The following DIS3L2 variants were observed in gnomAD, a reference collection of about 807,000 sequenced individuals.
DIS3L2 encodes DIS3 like 3'-5' exoribonuclease 2, also known as DIS3-like exonuclease 2.
Under a neutral mutation model 97.5 loss-of-function variants are expected in DIS3L2, and 34 were observed. The observed-to-expected ratio is 0.35, with a 90% CI of 0.27 to 0.46. DIS3L2 has a LOEUF of 0.46. Among genes scored for constraint, DIS3L2 ranks in the 20% least tolerant of loss-of-function variants. The probability of loss-of-function intolerance (pLI) is 1.00; values close to 1 mark genes in which losing one functional copy is unlikely to be tolerated. For missense variants in DIS3L2, 1,038 were observed against 1,146.0 expected (o/e 0.91, Z 1.36); for synonymous variants, 435 against 445.2 (o/e 0.98, Z 0.29).
intron 8 of DIS3L2, among the ~76,000 whole-genome samples, chr2:232,148,920 A>C (rs2106365933): frequency 6.7e-6 from 1 of 148,234 alleles, no homozygotes; most frequent in South Asian, 2.1e-4. Flanking sequence ...TGCTGACTAC[A>C]TTTACTGATT....
intron 1 of DIS3L2, among the ~76,000 whole-genome samples, chr2:231,967,750 AAT>A: frequency 6.6e-6 from 1 of 152,306 alleles, no homozygotes; most frequent in African/African-American, 2.4e-5. Flanking sequence ...AGTCTTTTAT[AAT>A]AGTTTGCAAG....
At chr2:232,321,951 T>C (rs548470936) in intron 14 of DIS3L2, among the ~76,000 whole-genome samples, 1 of 152,274 alleles carries the variant, frequency 6.6e-6, no homozygotes, top group Non-Finnish European at 1.5e-5. Context: ...AAAGGCTCTG[T>C]CCCTGGGGCT....
At chr2:232,065,938 C>T (rs1375006521) in intron 5 of DIS3L2, among the ~76,000 whole-genome samples, 1 of 149,934 alleles carries the variant, frequency 6.7e-6, no homozygotes, top group South Asian at 2.1e-4. Context: ...TGAAATTATC[C>T]CCTTAATTTT....
intron 1 of DIS3L2, among the ~76,000 whole-genome samples, chr2:231,986,611 T>C (rs1338734792): frequency 6.6e-6 from 1 of 152,206 alleles, no homozygotes; most frequent in Admixed American, 6.5e-5. Flanking sequence ...ATGAGAACTT[T>C]ACATGTATTG....
At chr2:232,011,458 G>A (rs1314418795) in intron 1 of DIS3L2, among the ~76,000 whole-genome samples, 1 of 151,334 alleles carries the variant, frequency 6.6e-6, no homozygotes, top group Non-Finnish European at 1.5e-5. Flanking sequence ...GGTTCAAGCA[G>A]TTCTCCACCT....
At chr2:231,971,406 G>A (rs1692904160) in intron 1 of DIS3L2, among the ~76,000 whole-genome samples, 1 of 151,900 alleles carries the variant, frequency 6.6e-6, no homozygotes, top group Non-Finnish European at 1.5e-5. Context: ...AGCCTCCCGA[G>A]TAGCTGGGAC....
intron 4 of DIS3L2, among the ~76,000 whole-genome samples, chr2:232,028,288 A>G (rs960192901): frequency 5.3e-5 from 8 of 152,138 alleles, no homozygotes; most frequent in Admixed American, 2.0e-4. Context: ...CTGGCATTCA[A>G]ACAAAGAGCT....
At chr2:232,088,695 C>A (rs370922609) in intron 6 of DIS3L2, among the ~76,000 whole-genome samples, 1 of 152,036 alleles carries the variant, frequency 6.6e-6, no homozygotes, top group East Asian at 1.9e-4. Flanking sequence ...TGATTGAAAT[C>A]TAAGCCATGG....
intron 8 of DIS3L2, among the ~76,000 whole-genome samples, chr2:232,158,111 C>A (rs1278096107): frequency 6.6e-6 from 1 of 152,202 alleles, no homozygotes; most frequent in Non-Finnish European, 1.5e-5. Context: ...TGTCCTTCCT[C>A]AGCTAAAGTG....
Position 232,004,560 on chromosome 2 carries a change from A to G in DIS3L2, c.-93-10275A>G, listed in dbSNP as rs72987613. ...CTGAATTTTTTATTTCAGATATTGT[A>G]TTTATTAATTTTAAGTTTCTTTTTT... On this transcript the variant is annotated intron_variant, in intron 1 of 20. Coordinates refer to ENST00000325385, the MANE Select transcript of DIS3L2 (RefSeq NM_152383.5). Among the ~76,000 whole-genome samples, 325 of 149,262 alleles carry G rather than the reference A, an allele frequency of 2.2e-3. 2 individuals are homozygous for G. The highest frequency in any genetic ancestry group is 3.8e-3 in the Non-Finnish European group (255 of 67,242).
chr2:232,047,302 A>G (rs993314726), intron 5 of DIS3L2, among the ~76,000 whole-genome samples: 4 of 152,240 alleles, frequency 2.6e-5, no homozygotes, highest in Non-Finnish European at 5.9e-5. Context: ...GATTAGAAAG[A>G]AAAAGAAGAT....
chr2:232,165,592 A>G (rs1234320890), intron 9 of DIS3L2, among the ~76,000 whole-genome samples: 2 of 152,226 alleles, frequency 1.3e-5, no homozygotes, highest in Non-Finnish European at 2.9e-5. Context: ...TGGTGCAGTC[A>G]TCGCTCACTG....
chr2:231,991,952 TA>T (rs1693597335), intron 1 of DIS3L2, among the ~76,000 whole-genome samples: 1 of 152,186 alleles, frequency 6.6e-6, no homozygotes, highest in Non-Finnish European at 1.5e-5. Context: ...GGAATTTACA[TA>T]CTGGAACCCT....
chr2:232,128,076 A>G (rs565311379), intron 6 of DIS3L2, among the ~76,000 whole-genome samples: 75 of 151,800 alleles, frequency 4.9e-4, no homozygotes, highest in African/African-American at 1.8e-3. Flanking sequence ...TGAACCTCTC[A>G]GGTAGCTGGG....
intron 16 of DIS3L2, 56 bp from the exon 17 acceptor site, chr2:232,333,782 TCC>T: frequency 6.5e-7 from 1 of 1,541,046 alleles, no homozygotes; most frequent in Non-Finnish European, 8.7e-7. Context: ...GTGCCAGCCT[TCC>T]AGGCCTGGCT....
chr2:232,087,770 G>A, intron 6 of DIS3L2, 49 bp downstream of exon 6: 3 of 1,394,606 alleles, frequency 2.2e-6, no homozygotes, highest in Non-Finnish European at 2.0e-6. Flanking sequence ...CACTGATTAA[G>A]TATTGGAATT....
At position 232,129,405 on chromosome 2, in the gene DIS3L2, T is replaced by A. The variant is rs567096541; in HGVS notation, c.602-1214T>A. 3.3e-5 allele frequency among the ~76,000 whole-genome samples: 5 copies of A among 152,342 alleles called. No individual in the cohort carries two copies. The East Asian group carries it at 7.7e-4, about 23-fold the overall frequency. On this transcript the variant is annotated intron_variant, in intron 6 of 20. Coordinates refer to ENST00000325385, the MANE Select transcript of DIS3L2 (RefSeq NM_152383.5). ...AATTATAAAAAATGTTCTAAAAGCATTTGATGATTTTGGAATCCTGAATTA... is the reference window on the plus strand; with the variant it reads ...AATTATAAAAAATGTTCTAAAAGCAATTGATGATTTTGGAATCCTGAATTA...
intron 13 of DIS3L2, among the ~76,000 whole-genome samples, chr2:232,264,503 G>A (rs1344953136): frequency 6.6e-6 from 1 of 152,178 alleles, no homozygotes; most frequent in Non-Finnish European, 1.5e-5. Context: ...TATTACAGAG[G>A]AGAGACTATG....
At position 232,098,355 on chromosome 2, in the gene DIS3L2, A is replaced by ATTTT. The variant is rs371321680; in HGVS notation, c.601+10648_601+10651dup. Among the ~76,000 whole-genome samples the ATTTT allele has an allele frequency of 3.6e-5, 5 of 138,672 alleles. 1 individual carries two copies. The highest frequency in any genetic ancestry group is 7.2e-5 in the Admixed American group (1 of 13,860). 91.0% of individuals were successfully genotyped at this position (138,672 alleles called of 152,430 possible). On this transcript the variant is annotated intron_variant, in intron 6 of 20. Coordinates refer to ENST00000325385, the MANE Select transcript of DIS3L2 (RefSeq NM_152383.5). Reference sequence around the variant, plus strand: ...ACAGTTAGGATTATCGAGGTTTCTAATTTTTTTTTTTTTTTTTGAGACAGA... The same window carrying ATTTT: ...ACAGTTAGGATTATCGAGGTTTCTAATTTTTTTTTTTTTTTTTTTTTGAGACAGA...
Sources: gnomAD v4.1 joint callset for allele counts (sites outside exome capture counted in the v4.1 genomes callset) on GRCh38, gnomAD v4.1.1 for gene constraint, MANE v1.5 for transcripts, NCBI Gene and HGNC (gene_info 2026-07-23, HGNC 2026-07-21) for gene names.